The following ARHGEF37 variants were observed in gnomAD, a reference collection of about 807,000 sequenced individuals.
ARHGEF37 encodes Rho guanine nucleotide exchange factor (GEF) 37.
Under a neutral mutation model 71.1 loss-of-function variants are expected in ARHGEF37, and 55 were observed. The ratio of observed to expected loss-of-function variants is 0.77; its 90% confidence interval spans 0.62 to 0.97. ARHGEF37 has a LOEUF of 0.97. Ranked by LOEUF, ARHGEF37 falls within the 50% of genes least tolerant of loss-of-function variation. The probability of loss-of-function intolerance (pLI) is 0.00; values close to 1 mark genes in which losing one functional copy is unlikely to be tolerated. For missense variants in ARHGEF37, 765 were observed against 836.8 expected, an observed-to-expected ratio of 0.91 and a Z score of 1.06; for synonymous variants, 327 against 350.6, an observed-to-expected ratio of 0.93 and a Z score of 0.75.
rs1283688750 is a variant in ARHGEF37, at chr5:149,627,183, C to T, written c.1572C>T (p.Asp524=). 4 of 1,614,010 alleles carry T rather than the reference C, an allele frequency of 2.5e-6. No individual in the cohort carries two copies. The highest frequency in any genetic ancestry group is 2.2e-5 in the East Asian group (1 of 44,892). ...TSNISGTGTL[D]LTLPRGQIVA... is the part of the protein sequence containing the mutation. ...ACATCAGTGGGACTGGGACTCTGGA[C>T]CTGACTCTGCCTCGGGGCCAAATCG... The change falls in exon 11 of 13, where the codon GAC becomes GAT. Residue 524 remains aspartate, a synonymous_variant. Transcript: ENST00000333677.
At chr5:149,627,421 C>A in intron 11 of ARHGEF37, 150 bp downstream of exon 11, 5 of 853,644 alleles carry the variant, frequency 5.9e-6, no homozygotes, top group Non-Finnish European at 7.1e-6. Flanking sequence ...GGGCTCAGGG[C>A]ACAGTCAGTT....
chr5:149,627,354 T>C (rs984859744), intron 11 of ARHGEF37, 83 bp downstream of exon 11: 115 of 1,475,684 alleles, frequency 7.8e-5, no homozygotes, highest in Non-Finnish European at 1.0e-4. Flanking sequence ...GGCACTCTTG[T>C]GGGTCAAAGT....
intron 1 of ARHGEF37, among the ~76,000 whole-genome samples, chr5:149,566,097 T>C (rs1459536582): frequency 6.6e-6 from 1 of 151,516 alleles, no homozygotes; most frequent in East Asian, 2.0e-4. Context: ...CCACCCGCCT[T>C]GGCCGCCCAA....
In ARHGEF37 at chr5:149,602,262, G is replaced by T. The variant is rs559447604; in HGVS notation, c.310+1031G>T. 4.7e-4 allele frequency among the ~76,000 whole-genome samples: 71 copies of T among 152,074 alleles called. No individual in the cohort carries two copies. The South Asian group carries it at 0.012, about 26-fold the overall frequency. On this transcript the variant is annotated intron_variant, in intron 3 of 12. Transcript: ENST00000333677. ...AGTAGAGACAGGGTTTCACCGTATT[G>T]GTCAGACTTGTCTTGAACTCATGAC...
chr5:149,598,328 TCTTCCTCTTCC>T (rs1763625020), intron 2 of ARHGEF37, among the ~76,000 whole-genome samples: 1 of 95,824 alleles, frequency 1.0e-5, no homozygotes, highest in Admixed American at 1.3e-4. Flanking sequence ...TCTTCTTCTT[TCTTCCTCTTCC>T]TCTTCCTCTT....
At chr5:149,615,429 C>T (rs2113357628) in intron 4 of ARHGEF37, among the ~76,000 whole-genome samples, 1 of 151,484 alleles carries the variant, frequency 6.6e-6, no homozygotes, top group South Asian at 2.1e-4. Context: ...TAGAAAAATA[C>T]TATAATGTGA....
chr5:149,569,317 T>C (rs1384903102), intron 1 of ARHGEF37, among the ~76,000 whole-genome samples: 1 of 151,760 alleles, frequency 6.6e-6, no homozygotes, highest in East Asian at 1.9e-4. Flanking sequence ...TATTTATTTA[T>C]TTATTTATTT....
At chr5:149,624,590 A>C (rs1478130113) in intron 10 of ARHGEF37, among the ~76,000 whole-genome samples, 1 of 152,196 alleles carries the variant, frequency 6.6e-6, no homozygotes, top group Admixed American at 6.5e-5. Context: ...CCTGGCCAAC[A>C]TGGCAAAACC....
chr5:149,570,488 A>G (rs968775403), intron 1 of ARHGEF37, among the ~76,000 whole-genome samples: 2 of 151,268 alleles, frequency 1.3e-5, no homozygotes. Flanking sequence ...AGGCAGGAGA[A>G]TCGCTTGAAC....
intron 3 of ARHGEF37, among the ~76,000 whole-genome samples, chr5:149,607,482 C>T (rs978146229): frequency 6.6e-6 from 1 of 152,292 alleles, no homozygotes; most frequent in Non-Finnish European, 1.5e-5. Flanking sequence ...TATTTGGCTC[C>T]GTTTTAATTC....
At chr5:149,601,018 GGTGTGA>G in intron 2 of ARHGEF37, 84 bp from the exon 3 acceptor site, 2 of 1,397,482 alleles carry the variant, frequency 1.4e-6, no homozygotes, top group Non-Finnish European at 9.8e-7. Context: ...TGATGGGAAT[GGTGTGA>G]GTGTTCTGTC....
At position 149,601,061 on chromosome 5, in the gene ARHGEF37, T is replaced by C. The variant is rs369270674; in HGVS notation, c.187-47T>C. The C allele has an allele frequency of 6.4e-5, 102 of 1,587,898 alleles. 1 individual carries two copies. In the African/African-American group the frequency reaches 1.2e-3, roughly 19 times the overall value. ...TACTCTCAAAAGCCTGCAAATACAT[T>C]CTATGGAACTCCCAACCACCTCTCA... On this transcript the variant is annotated intron_variant, in intron 2 of 12. Coordinates refer to ENST00000333677, the MANE Select transcript of ARHGEF37 (RefSeq NM_001001669.3).
At chr5:149,585,739 G>A (rs962181065) in intron 1 of ARHGEF37, among the ~76,000 whole-genome samples, 3 of 152,144 alleles carry the variant, frequency 2.0e-5, no homozygotes, top group South Asian at 4.1e-4. Flanking sequence ...GGCTGGTCTC[G>A]AACTCCTGAC....
chr5:149,558,770 T>A (rs994605731), intron 1 of ARHGEF37, among the ~76,000 whole-genome samples: 2 of 151,958 alleles, frequency 1.3e-5, no homozygotes, highest in Non-Finnish European at 2.9e-5. Flanking sequence ...AAATATTTAC[T>A]GTTCCTTTCC....
intron 1 of ARHGEF37, among the ~76,000 whole-genome samples, chr5:149,561,957 C>T (rs2113234213): frequency 6.6e-6 from 1 of 152,316 alleles, no homozygotes; most frequent in Non-Finnish European, 1.5e-5. Context: ...CCTCGTGACT[C>T]ATTATTACTC....
chr5:149,565,958 A>T (rs1580882039), intron 1 of ARHGEF37, among the ~76,000 whole-genome samples: 1 of 145,428 alleles, frequency 6.9e-6, no homozygotes, highest in African/African-American at 2.5e-5. Context: ...CAAGCAATTC[A>T]CCTGTCTCAG....
At chr5:149,627,429 G>A (rs1752727121) in intron 11 of ARHGEF37, among the ~76,000 whole-genome samples, 158 bp downstream of exon 11, 1 of 152,248 alleles carries the variant, frequency 6.6e-6, no homozygotes. Flanking sequence ...GGCACAGTCA[G>A]TTTAGAGTGA....
intron 12 of ARHGEF37, among the ~76,000 whole-genome samples, chr5:149,629,825 G>A (rs916563479): frequency 2.0e-5 from 3 of 152,164 alleles, no homozygotes; most frequent in Non-Finnish European, 2.9e-5. Context: ...TAAACACAAC[G>A]CGAGCTCTTT....
upstream of ARHGEF37, among the ~76,000 whole-genome samples, chr5:149,580,144 T>A (rs985294386): frequency 6.6e-6 from 1 of 152,012 alleles, no homozygotes; most frequent in African/African-American, 2.4e-5. Context: ...CACTGCAACC[T>A]CCGCCTCCAG....
Sources: gnomAD v4.1 joint callset for allele counts (sites outside exome capture counted in the v4.1 genomes callset) on GRCh38, gnomAD v4.1.1 for gene constraint, MANE v1.5 for transcripts, NCBI Gene and HGNC (gene_info 2026-07-23, HGNC 2026-07-21) for gene names.